ABR: variants seen among roughly 807,000 people sequenced by gnomAD.
ABR encodes the protein active breakpoint cluster region-related protein.
In ABR, 35 loss-of-function variants were observed where a neutral mutation model predicts 107.2. That is an observed-to-expected ratio of 0.33 (90% CI 0.25 to 0.43). The LOEUF is 0.43. ABR is among the 20% of genes least tolerant of loss of function. The pLI is 1.00. For missense variants in ABR, 815 were observed against 1,115.2 expected, an observed-to-expected ratio of 0.73 and a Z score of 3.83; for synonymous variants, 498 against 462.0, an observed-to-expected ratio of 1.08 and a Z score of -1.00.
chr17:1,034,593 G>A (rs1274629583), intron 16 of ABR, among the ~76,000 whole-genome samples: 1 of 152,160 alleles, frequency 6.6e-6, no homozygotes, highest in African/African-American at 2.4e-5. Context: ...GGGTCAGCGT[G>A]GGGCCCTCGG....
At chr17:1,202,401 CTT>C (rs1431054378) in intron 1 of ABR, among the ~76,000 whole-genome samples, 1 of 152,222 alleles carries the variant, frequency 6.6e-6, no homozygotes, top group African/African-American at 2.4e-5. Context: ...TCTCCAACCT[CTT>C]ATTACTCATC....
intron 2 of ABR, among the ~76,000 whole-genome samples, chr17:1,108,752 G>A (rs2038432537): frequency 6.6e-6 from 1 of 152,204 alleles, no homozygotes; most frequent in Non-Finnish European, 1.5e-5. Flanking sequence ...ACTGCCCCGA[G>A]GACACCGGTC....
Position 1,051,397 on chromosome 17 carries a change from C to T in ABR, c.1562-763G>A, listed in dbSNP as rs750734531. Among the ~76,000 whole-genome samples, 1 of 152,160 alleles carries T rather than the reference C, an allele frequency of 6.6e-6. No individual in the cohort carries two copies. Among genetic ancestry groups the T allele is most frequent in the African/African-American group, 2.4e-5 (1 of 41,542 alleles). On this transcript the variant is annotated intron_variant, in intron 14 of 22. Transcript: ENST00000302538. The surrounding 1 kb of genome is among the most constrained non-coding windows in gnomAD (Gnocchi z 4.3). ...ACGAGGCTCCCACCACCACCAAGCG[C>T]TCCAGGTAACAAGGCAGTGGAGGGC...
chr17:1,123,969 G>A (rs1414521343), intron 2 of ABR, among the ~76,000 whole-genome samples: 1 of 151,576 alleles, frequency 6.6e-6, no homozygotes. Flanking sequence ...CGGCCCCCTT[G>A]CCTCCCACCT....
At chr17:1,024,046 A>AAAAAG (rs1277158216) in intron 16 of ABR, among the ~76,000 whole-genome samples, 1 of 150,380 alleles carries the variant, frequency 6.6e-6, no homozygotes, top group Non-Finnish European at 1.5e-5. Flanking sequence ...AAAAAAAAAA[A>AAAAAG]AAAGCAGCAT....
chr17:1,130,512 G>A (rs1236007016), intron 1 of ABR, among the ~76,000 whole-genome samples: 2 of 152,044 alleles, frequency 1.3e-5, no homozygotes, highest in Non-Finnish European at 2.9e-5. Flanking sequence ...GGCCCTTTGT[G>A]GTCTGCACCT....
At chr17:1,031,929 A>G (rs1157637260) in intron 16 of ABR, 28 of 864,494 alleles carry the variant, frequency 3.2e-5, no homozygotes, top group South Asian at 2.9e-4. Flanking sequence ...CCTCCTCCGC[A>G]TCCCTCCTTC....
chr17:1,112,147 G>C (rs781641236), intron 2 of ABR, among the ~76,000 whole-genome samples: 1 of 152,230 alleles, frequency 6.6e-6, no homozygotes, highest in African/African-American at 2.4e-5. Flanking sequence ...GATCTTGTCT[G>C]TCCATCTGTC....
intron 1 of ABR, among the ~76,000 whole-genome samples, chr17:1,192,329 C>G (rs2042453655): frequency 6.6e-6 from 1 of 152,126 alleles, no homozygotes; most frequent in Non-Finnish European, 1.5e-5. Flanking sequence ...CTGTATAAAC[C>G]AGAGTTCCTT....
rs190544859 is a variant in ABR at position 1,071,412 on chromosome 17, C to T, written c.894+1202G>A. 2.6e-3 allele frequency among the ~76,000 whole-genome samples: 398 copies of T among 152,272 alleles called. 3 individuals carry two copies. The highest frequency in any genetic ancestry group is 8.9e-3 in the African/African-American group (371 of 41,544). On this transcript the variant is annotated intron_variant, in intron 8 of 22. Transcript: ENST00000302538. The surrounding 1 kb of genome is among the most constrained non-coding windows in gnomAD (Gnocchi z 5.1). Reference sequence around the variant, plus strand: ...CCCTGTCAGCCTCACTCGTAACGGCCGCCTAATGGCCTCCCCTGGACAGGA... The same window carrying T: ...CCCTGTCAGCCTCACTCGTAACGGCTGCCTAATGGCCTCCCCTGGACAGGA...
intron 1 of ABR, among the ~76,000 whole-genome samples, chr17:1,217,577 A>G (rs1370241313): frequency 6.6e-6 from 1 of 152,018 alleles, no homozygotes; most frequent in African/African-American, 2.4e-5. Context: ...CTAGCCTACA[A>G]ATATAAACAC....
intron 1 of ABR, among the ~76,000 whole-genome samples, chr17:1,197,037 C>T (rs2042584132): frequency 6.6e-6 from 1 of 151,586 alleles, no homozygotes; most frequent in Non-Finnish European, 1.5e-5. Context: ...GCTCAGAAAC[C>T]TTCCCAAATG....
At chr17:1,113,862 G>A (rs1051777680) in intron 2 of ABR, among the ~76,000 whole-genome samples, 1 of 152,152 alleles carries the variant, frequency 6.6e-6, no homozygotes, top group South Asian at 2.1e-4. Flanking sequence ...CCTTATTTGT[G>A]TCCACGAATA....
intron 2 of ABR, among the ~76,000 whole-genome samples, chr17:1,122,289 C>G (rs2039390082): frequency 6.6e-6 from 1 of 152,220 alleles, no homozygotes; most frequent in Non-Finnish European, 1.5e-5. Context: ...ACTTCATTTT[C>G]TAGGCCAACC....
intron 16 of ABR, among the ~76,000 whole-genome samples, 183 bp from the exon 17 acceptor site, chr17:1,013,347 TGG>T (rs2070810030): frequency 6.6e-6 from 1 of 151,972 alleles, no homozygotes; most frequent in African/African-American, 2.4e-5. Flanking sequence ...CAGGCCCCTG[TGG>T]CCGCCGTGGG....
chr17:1,046,580 G>A (rs1411631634), intron 16 of ABR, among the ~76,000 whole-genome samples: 1 of 152,182 alleles, frequency 6.6e-6, no homozygotes, highest in South Asian at 2.1e-4. Context: ...CCAGGCACAA[G>A]TGTCCCCTGC....
intron 16 of ABR, among the ~76,000 whole-genome samples, chr17:1,045,130 G>A (rs544582377): frequency 2.0e-4 from 30 of 152,316 alleles, no homozygotes; most frequent in African/African-American, 6.3e-4. Context: ...CGGAGGAGCC[G>A]GAGGAAGGAT....
intron 16 of ABR, among the ~76,000 whole-genome samples, chr17:1,032,897 G>A (rs1307752288): frequency 2.6e-5 from 4 of 152,170 alleles, no homozygotes; most frequent in African/African-American, 2.4e-5. Context: ...TATTTGCACC[G>A]TGGCAACCGC....
intron 16 of ABR, among the ~76,000 whole-genome samples, chr17:1,029,573 C>T (rs1468503313): frequency 6.6e-6 from 1 of 152,198 alleles, no homozygotes; most frequent in Non-Finnish European, 1.5e-5. Flanking sequence ...GTTAATGAGG[C>T]AATCCCTCCT....
Sources: allele counts gnomAD v4.1 joint callset (sites outside exome capture counted in the v4.1 genomes callset), GRCh38; gene constraint gnomAD v4.1.1; non-coding constraint Gnocchi (gnomAD v3.1); transcripts MANE v1.5; gene names NCBI Gene and HGNC (gene_info 2026-07-23, HGNC 2026-07-21).